The following USP37 variants were observed in gnomAD, a reference collection of about 807,000 sequenced individuals.
USP37 encodes the protein ubiquitin carboxyl-terminal hydrolase 37.
Under a neutral mutation model 124.0 loss-of-function variants are expected in USP37, and 27 were observed. The observed-to-expected ratio is 0.22, with a 90% confidence interval of 0.16 to 0.30. USP37 has a LOEUF of 0.30. Among genes scored for constraint, USP37 ranks in the 10% least tolerant of loss-of-function variants. USP37 has a pLI of 1.00. For synonymous variants in USP37, 365 were observed against 388.0 expected (o/e 0.94, Z 0.70); for missense variants, 889 against 1,140.4 (o/e 0.78, Z 3.17).
chr2:218,552,061 GGATTACAGGTGT>G (rs1165455103), intron 5 of USP37, among the ~76,000 whole-genome samples: 2 of 151,964 alleles, frequency 1.3e-5, no homozygotes, highest in Non-Finnish European at 2.9e-5. Flanking sequence ...CAAAGTGCTG[GGATTACAGGTGT>G]GAGCAACCGT....
intron 14 of USP37, among the ~76,000 whole-genome samples, chr2:218,493,026 T>G (rs960145227): frequency 6.6e-6 from 1 of 151,842 alleles, no homozygotes; most frequent in African/African-American, 2.4e-5. Context: ...AAAATTTTTT[T>G]CCCTCATATT....
At chr2:218,475,843 T>C (rs1690942126) in intron 19 of USP37, among the ~76,000 whole-genome samples, 2 of 151,876 alleles carry the variant, frequency 1.3e-5, no homozygotes, top group South Asian at 4.2e-4. Flanking sequence ...GGAGAATCAC[T>C]TGAACCTGGG....
At chr2:218,501,427 A>T (rs888520771) in intron 11 of USP37, among the ~76,000 whole-genome samples, 2 of 152,154 alleles carry the variant, frequency 1.3e-5, no homozygotes, top group Non-Finnish European at 2.9e-5. Flanking sequence ...AGTACCTGAG[A>T]GAACTACTGC....
intron 11 of USP37, chr2:218,500,709 G>A (rs939698100): frequency 1.3e-5 from 2 of 151,916 alleles, no homozygotes; most frequent in Non-Finnish European, 2.9e-5. Context: ...CCCTCATACT[G>A]GGTTTGCTAT....
chr2:218,534,849 C>G (rs1353041405), intron 8 of USP37, 143 bp from the exon 9 acceptor site: 1 of 436,336 alleles, frequency 2.3e-6, no homozygotes, highest in Non-Finnish European at 3.9e-6. Context: ...GATTGTTAGT[C>G]TCAAAAGGTC....
At chr2:218,495,306 T>C (rs1179058133) in intron 14 of USP37, among the ~76,000 whole-genome samples, 1 of 152,146 alleles carries the variant, frequency 6.6e-6, no homozygotes, top group Non-Finnish European at 1.5e-5. Context: ...CACACCTGCC[T>C]AATTTTTATA....
intron 11 of USP37, 60 bp downstream of exon 11, chr2:218,509,919 A>G: frequency 7.0e-7 from 1 of 1,421,536 alleles, no homozygotes; most frequent in South Asian, 1.8e-5. Flanking sequence ...TTTTACACCA[A>G]AGCACACTTC....
intron 16 of USP37, among the ~76,000 whole-genome samples, chr2:218,484,439 T>C (rs1385568393): frequency 6.6e-6 from 1 of 151,730 alleles, no homozygotes; most frequent in Non-Finnish European, 1.5e-5. Flanking sequence ...CTGGTCAACA[T>C]GGCAAAACCC....
intron 20 of USP37, 48 bp from the exon 21 acceptor site, chr2:218,466,224 A>C (rs766585399): frequency 2.6e-6 from 4 of 1,549,554 alleles, no homozygotes; most frequent in Admixed American, 2.1e-5. Flanking sequence ...TAATAAATGG[A>C]AATTTCTGAA....
intron 8 of USP37, 145 bp downstream of exon 8, chr2:218,546,076 C>T: frequency 1.5e-6 from 1 of 658,458 alleles, no homozygotes; most frequent in Non-Finnish European, 2.5e-6. Context: ...CTACAGTCTA[C>T]TGTCACCAAA....
intron 11 of USP37, 191 bp from the exon 12 acceptor site, chr2:218,498,348 C>CA (rs542388106): frequency 4.9e-4 from 209 of 425,996 alleles, no homozygotes; most frequent in African/African-American, 3.9e-3. Context: ...AAAGAAGGCA[C>CA]AAAAATGTCC....
intron 20 of USP37, among the ~76,000 whole-genome samples, chr2:218,470,749 C>G (rs1212346388): frequency 6.6e-6 from 1 of 152,180 alleles, no homozygotes; most frequent in African/African-American, 2.4e-5. Flanking sequence ...TGTCTAGAGA[C>G]TGTAAAACCT....
chr2:218,529,963 A>T lies in USP37; in HGVS notation c.856T>A (p.Leu286Ile). The T allele has an allele frequency of 1.1e-5, 17 of 1,610,566 alleles. No individual in the cohort carries two copies. Among genetic ancestry groups the T allele is most frequent in the Non-Finnish European group, 1.4e-5 (17 of 1,179,008 alleles). Residue 286 changes from leucine to isoleucine, a missense_variant, in exon 10 of 26, where the codon TTA (leucine) becomes ATA (isoleucine). Leu to Ile is a conservative substitution (Grantham distance 5). Coordinates refer to ENST00000258399, the MANE Select transcript of USP37 (RefSeq NM_020935.3). The stretch of plus-strand genomic sequence containing the variant: ...AATATAACCAATGCATACCTGTCTA[A>T]GTTAGTGCCACCAGAAGAGTGTTCC... ...SKEHSSGGTN[L>I]DRTNVSSQTP...
intron 18 of USP37, among the ~76,000 whole-genome samples, 190 bp from the exon 19 acceptor site, chr2:218,477,171 GAC>G (rs1406863143): frequency 6.6e-6 from 1 of 152,158 alleles, no homozygotes; most frequent in Non-Finnish European, 1.5e-5. Context: ...TTGAAAACTG[GAC>G]AACTCTTATG....
intron 9 of USP37, among the ~76,000 whole-genome samples, chr2:218,531,748 G>T (rs1404470221): frequency 1.3e-5 from 2 of 152,194 alleles, no homozygotes; most frequent in Non-Finnish European, 2.9e-5. Context: ...CAGGAGTTTG[G>T]AAGTTGATTC....
chr2:218,466,304 AT>A, intron 20 of USP37, 128 bp from the exon 21 acceptor site: 2 of 1,031,396 alleles, frequency 1.9e-6, no homozygotes, highest in Non-Finnish European at 2.7e-6. Context: ...AGGACATACA[AT>A]TTCACCTTAC....
At chr2:218,463,522 GTTCTT>G (rs1232683520) in intron 21 of USP37, among the ~76,000 whole-genome samples, 156 bp from the exon 22 acceptor site, 1 of 140,248 alleles carries the variant, frequency 7.1e-6, no homozygotes, top group Non-Finnish European at 1.5e-5. Flanking sequence ...ATGTGGGGAA[GTTCTT>G]TACTTTTTTT....
intron 23 of USP37, 104 bp downstream of exon 23, chr2:218,459,686 C>A (rs1413928603): frequency 3.4e-6 from 3 of 882,564 alleles, no homozygotes; most frequent in Non-Finnish European, 5.2e-6. Flanking sequence ...CTGAAAGGGC[C>A]AAAATGAACC....
At chr2:218,456,334 G>A (rs764467042) in intron 24 of USP37, among the ~76,000 whole-genome samples, 4 of 151,342 alleles carry the variant, frequency 2.6e-5, no homozygotes, top group South Asian at 2.1e-4. Flanking sequence ...ACGTGTAGTC[G>A]CAGCTACTCA....
Sources: gnomAD v4.1 joint callset for allele counts (sites outside exome capture counted in the v4.1 genomes callset) on GRCh38, gnomAD v4.1.1 for gene constraint, MANE v1.5 for transcripts, NCBI Gene and HGNC (gene_info 2026-07-23, HGNC 2026-07-21) for gene names.